The following ME3 variants were observed in gnomAD, a reference collection of about 807,000 sequenced individuals.
The protein encoded by ME3 is NADP-dependent malic enzyme, mitochondrial.
A neutral mutation model predicts 68.9 loss-of-function variants in ME3; 48 were observed. The observed-to-expected ratio is 0.70, with a 90% confidence interval of 0.55 to 0.89. The LOEUF (loss-of-function observed/expected upper bound fraction) is 0.89. Ranked by LOEUF, ME3 falls within the 40% of genes least tolerant of loss-of-function variation. The pLI is 0.00. For synonymous variants in ME3, 320 were observed against 318.8 expected (o/e 1.00, Z -0.04); for missense variants, 675 against 797.4 (o/e 0.85, Z 1.85).
intron 4 of ME3, among the ~76,000 whole-genome samples, chr11:86,543,456 G>A (rs1032661189): frequency 4.6e-5 from 7 of 152,166 alleles, no homozygotes; most frequent in African/African-American, 1.7e-4. Context: ...AGGGATGGAG[G>A]AAGATTTACC....
chr11:86,601,797 A>G (rs1228886730), intron 2 of ME3, among the ~76,000 whole-genome samples: 3 of 152,086 alleles, frequency 2.0e-5, no homozygotes, highest in Non-Finnish European at 4.4e-5. Flanking sequence ...GGCTGGTTCA[A>G]TATACACCAA....
intron 2 of ME3, among the ~76,000 whole-genome samples, chr11:86,660,837 C>A (rs1946227250): frequency 6.7e-6 from 1 of 149,762 alleles, no homozygotes; most frequent in Admixed American, 6.6e-5. Context: ...GCAGAAAACT[C>A]TCTTAAAGAA....
chr11:86,663,066 G>C (rs1231433707), intron 2 of ME3, among the ~76,000 whole-genome samples: 2 of 152,194 alleles, frequency 1.3e-5, no homozygotes, highest in African/African-American at 4.8e-5. Context: ...CCACACTACA[G>C]AGGAAGATGT....
At chr11:86,655,750 A>G (rs1296314393) in intron 2 of ME3, among the ~76,000 whole-genome samples, 24 of 151,444 alleles carry the variant, frequency 1.6e-4, no homozygotes, top group South Asian at 6.3e-4. Context: ...TGACAAATGG[A>G]ATCTAATTAA....
chr11:86,639,823 CG>C (rs1194176998), intron 2 of ME3, among the ~76,000 whole-genome samples: 6 of 152,260 alleles, frequency 3.9e-5, no homozygotes, highest in African/African-American at 1.2e-4. Flanking sequence ...TTCAGGGTTA[CG>C]TGGTTGAAAG....
intron 10 of ME3, among the ~76,000 whole-genome samples, chr11:86,448,717 C>T (rs1488598024): frequency 1.3e-5 from 2 of 152,180 alleles, no homozygotes; most frequent in African/African-American, 2.4e-5. Flanking sequence ...CTAAACTAAG[C>T]TCCAGGAAGG....
intron 2 of ME3, among the ~76,000 whole-genome samples, chr11:86,644,055 G>A (rs1018965129): frequency 6.6e-6 from 1 of 152,206 alleles, no homozygotes; most frequent in Non-Finnish European, 1.5e-5. Flanking sequence ...GAGGAAGCAT[G>A]GGAAGTAATT....
chr11:86,630,439 G>C (rs754254074), intron 2 of ME3, among the ~76,000 whole-genome samples: 1 of 152,164 alleles, frequency 6.6e-6, no homozygotes, highest in Non-Finnish European at 1.5e-5. Flanking sequence ...GGATTGTGCT[G>C]TCTCTGGGTT....
chr11:86,478,419 A>G (rs898707313), intron 7 of ME3, among the ~76,000 whole-genome samples: 1 of 152,070 alleles, frequency 6.6e-6, no homozygotes, highest in African/African-American at 2.4e-5. Flanking sequence ...TTAATTAGCA[A>G]ATGAATTCTA....
chr11:86,514,011 C>A (rs1004241938), intron 4 of ME3, among the ~76,000 whole-genome samples: 1 of 152,054 alleles, frequency 6.6e-6, no homozygotes, highest in Admixed American at 6.5e-5. Context: ...ACCTGTAATC[C>A]CCACATGCAG....
chr11:86,522,045 T>A (rs77862806), intron 4 of ME3, among the ~76,000 whole-genome samples: 25,493 of 151,888 alleles, frequency 0.17, 2,334 homozygotes, highest in African/African-American at 0.24. Context: ...AGGTCAGGAG[T>A]TTGAGACAAG....
chr11:86,453,425 C>G (rs1949746775), intron 8 of ME3, among the ~76,000 whole-genome samples: 1 of 152,200 alleles, frequency 6.6e-6, no homozygotes, highest in African/African-American at 2.4e-5. Context: ...ACTGCTTTGT[C>G]TGCAAACCAC....
At chr11:86,595,159 GAAATATAAAAATAAGTAAATA>G (rs1959204089) in intron 2 of ME3, among the ~76,000 whole-genome samples, 1 of 144,860 alleles carries the variant, frequency 6.9e-6, no homozygotes, top group South Asian at 2.3e-4. Context: ...CATATGTATG[GAAATATAAAAATAAGTAAATA>G]AAATATAAAT....
At chr11:86,530,694 G>T (rs1359036743) in intron 4 of ME3, among the ~76,000 whole-genome samples, 1 of 152,074 alleles carries the variant, frequency 6.6e-6, no homozygotes. Flanking sequence ...AAATAATGCT[G>T]CTTATCTACA....
chr11:86,583,105 T>C (rs1336590599), intron 2 of ME3, among the ~76,000 whole-genome samples: 1 of 152,128 alleles, frequency 6.6e-6, no homozygotes, highest in Admixed American at 6.6e-5. Flanking sequence ...GAAAGGGTTA[T>C]GCTGTCTCTT....
intron 5 of ME3, among the ~76,000 whole-genome samples, chr11:86,504,288 G>A (rs868387688): frequency 6.6e-6 from 1 of 151,566 alleles, no homozygotes. Context: ...TAGAACCACA[G>A]CTCTGGGCTG....
chr11:86,565,936 CTG>C (rs1957457993), intron 2 of ME3, among the ~76,000 whole-genome samples: 1 of 152,220 alleles, frequency 6.6e-6, no homozygotes, highest in Non-Finnish European at 1.5e-5. Context: ...ATAAGAGACA[CTG>C]TGAGAATGGG....
intron 9 of ME3, 117 bp downstream of exon 9, chr11:86,450,184 A>G (rs564724794): frequency 2.8e-5 from 30 of 1,090,516 alleles, no homozygotes; most frequent in South Asian, 8.6e-5. Context: ...AATGATCACA[A>G]TATGTCTGTG....
chr11:86,634,692 T>G (rs370855009), intron 2 of ME3, among the ~76,000 whole-genome samples: 1 of 44 alleles, frequency 0.023, no homozygotes, highest in South Asian at 0.5. Context: ...TCTTTTGTGT[T>G]TTTTTTTGTT....
Sources: allele counts gnomAD v4.1 joint callset (sites outside exome capture counted in the v4.1 genomes callset), GRCh38; gene constraint gnomAD v4.1.1; transcripts MANE v1.5; gene names NCBI Gene and HGNC (gene_info 2026-07-23, HGNC 2026-07-21).